The following PON1 variants were observed in gnomAD, a reference collection of about 807,000 sequenced individuals.
PON1 encodes the protein paraoxonase 1.
In PON1, 37 loss-of-function variants were observed where a neutral mutation model predicts 39.2. That is an observed-to-expected ratio of 0.94 (90% CI 0.73 to 1.24). The LOEUF (loss-of-function observed/expected upper bound fraction) is 1.24, where lower values mean the gene tolerates loss of function less well. Among genes scored for constraint, PON1 ranks in the 50% most tolerant of loss-of-function variants. The pLI is 0.00. For missense variants in PON1, 397 were observed against 413.5 expected (o/e 0.96, Z 0.35); for synonymous variants, 148 against 152.2 (o/e 0.97, Z 0.21).
chr7:95,308,951 T>C (rs1807599918), intron 5 of PON1, among the ~76,000 whole-genome samples: 1 of 152,002 alleles, frequency 6.6e-6, no homozygotes, highest in Non-Finnish European at 1.5e-5. Flanking sequence ...ATGGATACAA[T>C]AGGGAACACA....
chr7:95,314,723 A>G (rs1426608438), intron 4 of PON1, among the ~76,000 whole-genome samples: 2 of 152,168 alleles, frequency 1.3e-5, no homozygotes, highest in African/African-American at 2.4e-5. Context: ...AGGTGCTACC[A>G]TTGTGCAACT....
intron 8 of PON1, among the ~76,000 whole-genome samples, 185 bp downstream of exon 8, chr7:95,302,020 C>T (rs1489516030): frequency 6.9e-6 from 1 of 145,360 alleles, no homozygotes; most frequent in Non-Finnish European, 1.5e-5. Context: ...TGGTGTGAAC[C>T]CGGGAGGCGG....
At chr7:95,306,428 G>A in intron 6 of PON1, 62 bp from the exon 7 acceptor site, 2 of 1,211,190 alleles carry the variant, frequency 1.7e-6, no homozygotes, top group South Asian at 1.2e-5. Context: ...AGATTAAGAT[G>A]AAGTTGTAAT....
chr7:95,313,063 G>C (rs913061287), intron 4 of PON1, among the ~76,000 whole-genome samples: 2 of 152,212 alleles, frequency 1.3e-5, no homozygotes, highest in Non-Finnish European at 2.9e-5. Context: ...AGAAAGGACT[G>C]GACCAAGAGG....
intron 1 of PON1, among the ~76,000 whole-genome samples, chr7:95,321,495 G>A (rs1807896624): frequency 6.6e-6 from 1 of 152,112 alleles, no homozygotes; most frequent in Non-Finnish European, 1.5e-5. Context: ...CCTACTATGT[G>A]CCAAGCTCCA....
chr7:95,305,031 G>A (rs911882527), intron 7 of PON1, among the ~76,000 whole-genome samples: 1 of 152,202 alleles, frequency 6.6e-6, no homozygotes, highest in Non-Finnish European at 1.5e-5. Context: ...TAGCCAGTAT[G>A]AGCGTGTGAA....
intron 4 of PON1, among the ~76,000 whole-genome samples, chr7:95,314,902 G>C (rs1807733096): frequency 1.3e-5 from 2 of 152,190 alleles, no homozygotes; most frequent in Non-Finnish European, 2.9e-5. Context: ...TGAAGATAAT[G>C]GGACCGGCAG....
intron 6 of PON1, among the ~76,000 whole-genome samples, chr7:95,307,600 C>T (rs1490576034): frequency 6.6e-6 from 1 of 152,150 alleles, no homozygotes. Flanking sequence ...CACAGTAATA[C>T]TTTCTTGATG....
At chr7:95,312,378 G>C (rs927473119) in intron 4 of PON1, among the ~76,000 whole-genome samples, 17 of 152,166 alleles carry the variant, frequency 1.1e-4, no homozygotes, top group Admixed American at 6.5e-4. Context: ...GTTTTTAGTA[G>C]AGATGGGGTT....
chr7:95,321,550 C>T (rs2049648), intron 1 of PON1, among the ~76,000 whole-genome samples: 1,600 of 152,194 alleles, frequency 0.011, 25 homozygotes, highest in African/African-American at 0.034. Flanking sequence ...TTTTTAGCCA[C>T]CTTTGAGAAA....
intron 5 of PON1, among the ~76,000 whole-genome samples, chr7:95,308,644 A>G (rs577352880): frequency 6.6e-6 from 1 of 152,296 alleles, no homozygotes; most frequent in African/African-American, 2.4e-5. Flanking sequence ...AATTGAAAAA[A>G]TGCTGAACCA....
intron 7 of PON1, among the ~76,000 whole-genome samples, chr7:95,305,321 T>C (rs560584883): frequency 6.6e-6 from 1 of 152,116 alleles, no homozygotes; most frequent in Non-Finnish European, 1.5e-5. Flanking sequence ...TTCCTCTCCT[T>C]TGTGTTTTCA....
rs1295722236 is a variant in PON1, at chr7:95,315,449, A to C, written c.243T>G (p.Ser81Arg). The C allele has an allele frequency of 6.2e-7, 1 of 1,614,046 alleles. No individual in the cohort carries two copies. Among genetic ancestry groups the C allele is most frequent in the Non-Finnish European group, 8.5e-7 (1 of 1,179,966 alleles). ...YPGIKSFNPN[S>R]PGKILLMDLN... The stretch of plus-strand genomic sequence containing the variant: ...GGTCCATCAGAAGTATTTTTCCAGG[A>C]CTGTTGGGGTTGAAGCTCTTTATTC... The change falls in exon 4 of 9, where the codon AGT becomes AGG. Residue 81 changes from serine (S) to arginine (R), a missense_variant. Coordinates refer to ENST00000222381, the MANE Select transcript of PON1 (RefSeq NM_000446.7).
At chr7:95,308,406 A>G (rs1399453425) in intron 5 of PON1, among the ~76,000 whole-genome samples, 195 bp from the exon 6 acceptor site, 1 of 152,120 alleles carries the variant, frequency 6.6e-6, no homozygotes, top group African/African-American at 2.4e-5. Flanking sequence ...GGTCTAAGAA[A>G]TCTGAGGAGG....
chr7:95,306,417 G>C (rs1807542467), intron 6 of PON1, 51 bp from the exon 7 acceptor site: 1 of 1,292,148 alleles, frequency 7.7e-7, no homozygotes, highest in South Asian at 1.2e-5. Flanking sequence ...CACAACTTGA[G>C]AGATTAAGAT....
chr7:95,303,796 G>GA (rs1807483273), intron 7 of PON1, among the ~76,000 whole-genome samples: 1 of 152,114 alleles, frequency 6.6e-6, no homozygotes, highest in South Asian at 2.1e-4. Context: ...AAGGCAACTC[G>GA]AAAAATTCGC....
At chr7:95,316,922 C>A (rs1364151572) in intron 2 of PON1, 133 bp from the exon 3 acceptor site, 3 of 725,880 alleles carry the variant, frequency 4.1e-6, no homozygotes, top group Non-Finnish European at 7.6e-6. Context: ...ATAATTCATT[C>A]TTTCATTTAT....
intron 5 of PON1, among the ~76,000 whole-genome samples, chr7:95,309,462 G>A (rs1032718699): frequency 6.6e-6 from 1 of 152,002 alleles, no homozygotes; most frequent in Non-Finnish European, 1.5e-5. Flanking sequence ...CACAGAAAGG[G>A]GCAGAGTGGA....
intron 7 of PON1, among the ~76,000 whole-genome samples, chr7:95,303,975 G>C (rs1356224196): frequency 1.3e-5 from 2 of 152,026 alleles, no homozygotes; most frequent in Non-Finnish European, 2.9e-5. Context: ...TATTTCTATC[G>C]TGGTAAAATA....
Sources: allele counts gnomAD v4.1 joint callset (sites outside exome capture counted in the v4.1 genomes callset), GRCh38; gene constraint gnomAD v4.1.1; transcripts MANE v1.5; gene names NCBI Gene and HGNC (gene_info 2026-07-23, HGNC 2026-07-21).